The following A4GALT variants were observed in gnomAD, a reference collection of about 807,000 sequenced individuals.
The protein encoded by A4GALT is alpha 1,4-galactosyltransferase (P1PK blood group), also known as lactosylceramide 4-alpha-galactosyltransferase.
For missense variants in A4GALT, 512 were observed against 486.0 expected (o/e 1.05, Z -0.50); for synonymous variants, 257 against 220.7 (o/e 1.16, Z -1.46).
At chr22:42,709,344 CAAAA>C (rs71311459) in intron 1 of A4GALT, among the ~76,000 whole-genome samples, 1 of 112,360 alleles carries the variant, frequency 8.9e-6, no homozygotes. Context: ...TGTGCCAGGC[CAAAA>C]AAAAAAAAAA....
intron 2 of A4GALT, among the ~76,000 whole-genome samples, chr22:42,694,302 T>C (rs937361296): frequency 2.6e-5 from 4 of 152,088 alleles, no homozygotes; most frequent in Non-Finnish European, 5.9e-5. Context: ...CAGGCCAGAG[T>C]CTGGTCTGCG....
chr22:42,709,053 AT>A (rs1188168986), intron 1 of A4GALT, among the ~76,000 whole-genome samples: 27 of 102,796 alleles, frequency 2.6e-4, no homozygotes, highest in Non-Finnish European at 4.4e-4. Flanking sequence ...ATTTAAATAT[AT>A]ATATATATAT....
At chr22:42,719,629 G>C (rs1022458042) in intron 1 of A4GALT, among the ~76,000 whole-genome samples, 6 of 152,186 alleles carry the variant, frequency 3.9e-5, no homozygotes, top group Admixed American at 3.9e-4. Context: ...TTTGAGGCTG[G>C]AAGAGGGCTG....
At chr22:42,718,247 C>T (rs1329434842) in intron 1 of A4GALT, 3 of 152,050 alleles carry the variant, frequency 2.0e-5, no homozygotes, top group East Asian at 3.9e-4. Flanking sequence ...TACAGAAAAA[C>T]GTGTTATTTT....
chr22:42,693,225 C>A lies in A4GALT; in HGVS notation c.727G>T (p.Gly243Cys), dbSNP rs1448335487. The A allele has an allele frequency of 1.9e-6, 3 of 1,608,456 alleles. No homozygotes were observed. The highest frequency in any genetic ancestry group is 2.5e-6 in the Non-Finnish European group (3 of 1,178,180). Reference protein sequence around the residue: ...CMRDFVDHYNGWIWGHQGPQL... With the variant: ...CMRDFVDHYNCWIWGHQGPQL... ...GGGCCCTGGTGACCCCAGATCCAGCCGTTGTAGTGGTCCACGAAGTCCCGC... is the reference window on the plus strand; with the variant it reads ...GGGCCCTGGTGACCCCAGATCCAGCAGTTGTAGTGGTCCACGAAGTCCCGC... The change falls in exon 3 of 3, where the codon GGC becomes TGC. Residue 243 changes from glycine (G) to cysteine (C), a missense_variant. By Grantham distance (159) the Gly-to-Cys change is radical. Transcript: ENST00000642412.
chr22:42,703,057 CTGTGTGTGTGTG>C (rs71311456), intron 1 of A4GALT, among the ~76,000 whole-genome samples: 17 of 134,414 alleles, frequency 1.3e-4, no homozygotes, highest in East Asian at 2.0e-4. Flanking sequence ...TGCTGCCCTG[CTGTGTGTGTGTG>C]TGTGTGTGTG....
intron 1 of A4GALT, among the ~76,000 whole-genome samples, chr22:42,703,253 G>GTTTTTT (rs1224692766): frequency 1.4e-4 from 15 of 110,278 alleles, no homozygotes; most frequent in African/African-American, 5.9e-4. Context: ...TTGTTTGTTT[G>GTTTTTT]TTTTTGTTTT....
At chr22:42,712,037 G>T (rs563081467) in intron 1 of A4GALT, among the ~76,000 whole-genome samples, 1 of 152,154 alleles carries the variant, frequency 6.6e-6, no homozygotes, top group Non-Finnish European at 1.5e-5. Context: ...TAAACTCTAC[G>T]CAGATGCAAA....
At chr22:42,707,649 C>T (rs1569057336) in intron 1 of A4GALT, among the ~76,000 whole-genome samples, 1 of 152,080 alleles carries the variant, frequency 6.6e-6, no homozygotes, top group African/African-American at 2.4e-5. Flanking sequence ...GAGTGAGAGA[C>T]TCTTTCTCAA....
rs2146949911 is a variant in A4GALT at position 42,693,311 on chromosome 22, T to C, written c.641A>G (p.Tyr214Cys). 1.2e-6 allele frequency: 2 copies of C among 1,613,094 alleles called. No homozygotes were observed. The highest frequency in any genetic ancestry group is 1.1e-5 in the South Asian group (1 of 91,086). Reference protein sequence around the residue: ...LTNVLGTQSRYVLNGAFLAFE... With the variant: ...LTNVLGTQSRCVLNGAFLAFE... ...GGCCAGGAACGCGCCGTTGAGGACGTAGCGGGACTGGGTGCCCAGCACGTT... is the reference window on the plus strand; with the variant it reads ...GGCCAGGAACGCGCCGTTGAGGACGCAGCGGGACTGGGTGCCCAGCACGTT... The change falls in exon 3 of 3, where the codon TAC (tyrosine) becomes TGC (cysteine). Residue 214 changes from tyrosine (Y) to cysteine (C), a missense_variant. Tyr to Cys is a radical substitution (Grantham distance 194, BLOSUM62 -2). Coordinates refer to ENST00000642412, the MANE Select transcript of A4GALT (RefSeq NM_017436.7).
chr22:42,717,972 A>AT (rs1922339747), intron 1 of A4GALT, among the ~76,000 whole-genome samples: 1 of 152,218 alleles, frequency 6.6e-6, no homozygotes, highest in African/African-American at 2.4e-5. Context: ...CTGGGTCCAG[A>AT]TACAGCCATT....
At chr22:42,696,085 G>A (rs1224127355) in intron 1 of A4GALT, among the ~76,000 whole-genome samples, 6 of 132,374 alleles carry the variant, frequency 4.5e-5, no homozygotes, top group Admixed American at 2.5e-4. Flanking sequence ...TTGTGCCACT[G>A]CACTCCAGCG....
chr22:42,717,141 C>T (rs1374664807), intron 1 of A4GALT, among the ~76,000 whole-genome samples: 1 of 152,200 alleles, frequency 6.6e-6, no homozygotes, highest in East Asian at 1.9e-4. Flanking sequence ...CTGGAAGCTC[C>T]TGAACCCCCA....
At chr22:42,712,630 C>T (rs965106719) in intron 1 of A4GALT, among the ~76,000 whole-genome samples, 4 of 151,906 alleles carry the variant, frequency 2.6e-5, no homozygotes, top group South Asian at 2.1e-4. Context: ...GTAGCAAGGC[C>T]GAGTGTGGTG....
At position 42,693,533 on chromosome 22, in the gene A4GALT, TG is replaced by T; in HGVS notation, c.418del (p.Gln140ArgfsTer65). The T allele has an allele frequency of 6.2e-7, 1 of 1,613,394 alleles. No homozygotes were observed. Among genetic ancestry groups the T allele is most frequent in the Non-Finnish European group, 8.5e-7 (1 of 1,180,018 alleles). ...ISLLSCFPNV[Q>X]MLPLDLRELF... Reference sequence around the variant, plus strand: ...CTCCCGCAGGTCCAGCGGGAGCATCTGGACATTCGGGAAGCAGCTCAGAAGT... The same window carrying T: ...CTCCCGCAGGTCCAGCGGGAGCATCTGACATTCGGGAAGCAGCTCAGAAGT... On this transcript the variant is annotated frameshift_variant, in exon 3 of 3. Transcript: ENST00000642412. LOFTEE classifies it low-confidence loss of function (END_TRUNC).
At chr22:42,706,173 G>A (rs1602010444) in intron 1 of A4GALT, among the ~76,000 whole-genome samples, 1 of 130,014 alleles carries the variant, frequency 7.7e-6, no homozygotes. Flanking sequence ...GGCTAACACG[G>A]TGAAACCCCG....
chr22:42,704,884 G>T (rs867824218), intron 1 of A4GALT, among the ~76,000 whole-genome samples: 5 of 142,684 alleles, frequency 3.5e-5, no homozygotes, highest in Middle Eastern at 6.9e-3. Context: ...GGGGGCGGGG[G>T]GGGGCGGCGG....
chr22:42,692,200 T>C lies in A4GALT; in HGVS notation c.*690A>G. On this transcript the variant is annotated 3_prime_UTR_variant, in exon 3 of 3. Transcript: ENST00000642412. This position sits in a 1 kb window ranked among gnomAD's most constrained non-coding sequence, Gnocchi z 4.6. ...CGGCAGGGTGGGGGTTTCTTTAAAA[T>C]GCTTCTCCTGAGCCTAAAGAGCCTC... 1 of 178,760 alleles carries C rather than the reference T, an allele frequency of 5.6e-6. No individual in the cohort carries two copies. The highest frequency in any genetic ancestry group is 1.2e-5 in the Non-Finnish European group (1 of 82,974). 11.1% of individuals were successfully genotyped at this position (178,760 alleles called of 1,614,324 possible).
chr22:42,701,918 C>T (rs1350673145), intron 1 of A4GALT, among the ~76,000 whole-genome samples: 1 of 152,174 alleles, frequency 6.6e-6, no homozygotes. Flanking sequence ...GTGGATCCCA[C>T]CCTACGTAGT....
Sources: gnomAD v4.1 joint callset for allele counts (sites outside exome capture counted in the v4.1 genomes callset) on GRCh38, gnomAD v4.1.1 for gene constraint, Gnocchi (gnomAD v3.1) non-coding constraint, MANE v1.5 for transcripts, NCBI Gene and HGNC (gene_info 2026-07-23, HGNC 2026-07-21) for gene names.